The following RPL7 variants were observed in gnomAD, a reference collection of about 807,000 sequenced individuals.
The protein encoded by RPL7 is large ribosomal subunit protein uL30.
For missense variants in RPL7, 205 were observed against 301.9 expected (o/e 0.68, Z 2.38); for synonymous variants, 100 against 102.2 (o/e 0.98, Z 0.13).
At position 73,290,646 on chromosome 8, in the gene RPL7, A is replaced by G. The variant is rs935762089; in HGVS notation, c.*61T>C. On this transcript the variant is annotated 3_prime_UTR_variant, in exon 7 of 7. Transcript: ENST00000352983. ...ATCACAAATACAACAATATATTTCA[A>G]TTTGAGAGCAGGTACTGTTTATTAA... The G allele has an allele frequency of 6.0e-6, 1 of 165,982 alleles. No homozygotes were observed. The highest frequency in any genetic ancestry group is 1.3e-5 in the Non-Finnish European group (1 of 76,816). 10.3% of individuals were successfully genotyped at this position (165,982 alleles called of 1,614,324 possible). A position where few individuals can be genotyped will look rare whatever the true frequency, so the allele number is the denominator to read the frequency against.
chr8:73,291,598 C>T lies in RPL7; in HGVS notation c.492G>A (p.Lys164=). The T allele has an allele frequency of 6.3e-7, 1 of 1,599,642 alleles. No individual in the cohort carries two copies. Reference sequence around the variant, plus strand: ...CGTTATCTGTCAAAGCAATTCGCTTCTTATTGATTTTGCCATAACCACGCT... The same window carrying T: ...CGTTATCTGTCAAAGCAATTCGCTTTTTATTGATTTTGCCATAACCACGCT... ...IYKRGYGKIN[K]KRIALTDNAL... The change falls in exon 5 of 7, where the codon AAG becomes AAA. Residue 164 remains lysine, a synonymous_variant. Transcript: ENST00000352983.
At position 73,291,027 on chromosome 8, in the gene RPL7, G is replaced by A. The variant is rs369833443; in HGVS notation, c.*1+16C>T. 7.5e-5 allele frequency: 119 copies of A among 1,591,084 alleles called. No homozygotes were observed. In the African/African-American group the frequency reaches 1.5e-3, roughly 20 times the overall value. ...TCTAACATTAACTCAACCTTTCTCA[G>A]GATGAGGTCTCTCACCTTAGTTCAT... On this transcript the variant is annotated intron_variant, in intron 6 of 6. Transcript: ENST00000352983.
chr8:73,292,051 TAAGAG>T, intron 3 of RPL7, 141 bp from the exon 4 acceptor site: 1 of 1,264,082 alleles, frequency 7.9e-7, no homozygotes, highest in Admixed American at 2.1e-5. Context: ...TGTATTCTAT[TAAGAG>T]AAGGGATAGG....
At chr8:73,293,795 A>G (rs1223336991), upstream of RPL7, 16 of 661,494 alleles carry the variant, frequency 2.4e-5, no homozygotes, top group Non-Finnish European at 3.9e-5. Context: ...TTTCGGGTAA[A>G]ACTTGTTTGA....
At chr8:73,293,781 A>C (rs938505423), upstream of RPL7, 7 of 729,778 alleles carry the variant, frequency 9.6e-6, no homozygotes, top group Non-Finnish European at 1.6e-5. Context: ...CTCTTTCAAC[A>C]AACTTTCGGG....
intron 3 of RPL7, 31 bp from the exon 4 acceptor site, chr8:73,291,941 GC>G: frequency 6.2e-7 from 1 of 1,600,732 alleles, no homozygotes; most frequent in Non-Finnish European, 8.6e-7. Flanking sequence ...AAATGCATTT[GC>G]CTTTCATCGA....
chr8:73,292,599 A>C, intron 2 of RPL7, 90 bp downstream of exon 2: 1 of 1,109,692 alleles, frequency 9.0e-7, no homozygotes, highest in Non-Finnish European at 1.3e-6. Context: ...CAGTACAGTT[A>C]GGAAGTAAAT....
At chr8:73,291,700 T>C (rs187306390) in intron 4 of RPL7, 39 bp from the exon 5 acceptor site, 2 of 1,590,976 alleles carry the variant, frequency 1.3e-6, no homozygotes, top group Admixed American at 1.7e-5. Context: ...GTGACCACTG[T>C]TAAAACATCT....
At chr8:73,292,002 A>G (rs1471105614) in intron 3 of RPL7, 92 bp from the exon 4 acceptor site, 8 of 1,450,714 alleles carry the variant, frequency 5.5e-6, no homozygotes, top group Non-Finnish European at 6.7e-6. Flanking sequence ...AATCCTACCT[A>G]AACAGATAGG....
rs1814152424 is a variant in RPL7, at chr8:73,293,281, G to A, written c.14+318C>T. ...GCAGGGAGGCCTGTACCAAGCACCA[G>A]CCAAGGACGAACACAATTCAGAGGT... On this transcript the variant is annotated intron_variant, in intron 1 of 6. Transcript: ENST00000352983. 4.6e-5 allele frequency: 18 copies of A among 393,294 alleles called. 1 individual carries two copies. The South Asian group carries it at 4.8e-4, about 10-fold the overall frequency. 24.4% of individuals were successfully genotyped at this position (393,294 alleles called of 1,614,324 possible).
Position 73,292,812 on chromosome 8 carries a change from C to CA in RPL7, c.15-16dup. On this transcript the variant is annotated splice_polypyrimidine_tract_variant and intron_variant, in intron 1 of 6. Coordinates refer to ENST00000352983, the MANE Select transcript of RPL7 (RefSeq NM_000971.4). Reference sequence around the variant, plus strand: ...TCTTCTTCTCTCTAACGTTAATAAACAAAAATGTTATCAATAGCTCAAAAA... The same window carrying CA: ...TCTTCTTCTCTCTAACGTTAATAAACAAAAAATGTTATCAATAGCTCAAAAA... 3.8e-6 allele frequency: 6 copies of CA among 1,579,288 alleles called. No individual in the cohort carries two copies. The highest frequency in any genetic ancestry group is 4.3e-6 in the Non-Finnish European group (5 of 1,155,384).
chr8:73,292,865 T>C, intron 1 of RPL7, 68 bp from the exon 2 acceptor site: 1 of 1,131,270 alleles, frequency 8.8e-7, no homozygotes, highest in Non-Finnish European at 1.3e-6. Context: ...ACTCCCGTAC[T>C]GAGCAGTGTT....
chr8:73,292,299 T>C lies in RPL7; in HGVS notation c.230A>G (p.Lys77Arg). Reference protein sequence around the residue: ...TEIRMARMARKAGNFYVPAEP... With the variant: ...TEIRMARMARRAGNFYVPAEP... ...TGCAGGTACATAGAAGTTGCCAGCT[T>C]TTCTTGCCATCCTCGCCATTCGAAT... is the stretch of plus-strand genomic sequence containing the variant. Residue 77 changes from lysine to arginine, a missense_variant, in exon 3 of 7, where the codon AAA becomes AGA. Lys to Arg is a conservative substitution (Grantham distance 26). Transcript: ENST00000352983. 1 of 1,612,382 alleles carries C rather than the reference T, an allele frequency of 6.2e-7. No homozygotes were observed.
intron 5 of RPL7, 63 bp from the exon 6 acceptor site, chr8:73,291,315 A>C (rs1370947408): frequency 2.9e-5 from 39 of 1,360,902 alleles, no homozygotes; most frequent in Non-Finnish European, 3.8e-5. Context: ...TAATTATTCA[A>C]AATCTTTTTG....
Position 73,291,895 on chromosome 8 carries a change from G to T in RPL7, c.306C>A (p.Ser102Arg). The part of the protein sequence containing the change: ...VIRIRGINGV[S>R]PKVRKVLQLL... ...GCTGCAACACCTTTCGAACCTTTGGGCTCACTCCATTGATACTGTGGTGAA... is the reference window on the plus strand; with the variant it reads ...GCTGCAACACCTTTCGAACCTTTGGTCTCACTCCATTGATACTGTGGTGAA... Residue 102 changes from serine (S) to arginine (R), a missense_variant, in exon 4 of 7, where the codon AGC becomes AGA. Coordinates refer to ENST00000352983, the MANE Select transcript of RPL7 (RefSeq NM_000971.4). 1.2e-6 allele frequency: 2 copies of T among 1,612,164 alleles called. No individual in the cohort carries two copies. Among genetic ancestry groups the T allele is most frequent in the Non-Finnish European group, 8.5e-7 (1 of 1,178,310 alleles).
In RPL7 at chr8:73,292,377, T is replaced by C. The variant is rs1277708206; in HGVS notation, c.152A>G (p.Tyr51Cys). 2 of 1,597,560 alleles carry C rather than the reference T, an allele frequency of 1.3e-6. No homozygotes were observed. The highest frequency in any genetic ancestry group is 1.1e-5 in the South Asian group (1 of 89,530). ...CTTGTGATAGTGCTTTGCTTTTTCA[T>C]AGATAAGCTTCCTCCTTGCCTTTCG... ...MLRKARRKLI[Y>C]EKAKHYHKEY... Residue 51 changes from tyrosine to cysteine, a missense_variant, in exon 3 of 7, where the codon TAT (tyrosine) becomes TGT (cysteine). Tyr to Cys is a radical substitution (Grantham distance 194, BLOSUM62 -2). Coordinates refer to ENST00000352983, the MANE Select transcript of RPL7 (RefSeq NM_000971.4).
intron 3 of RPL7, 74 bp from the exon 4 acceptor site, chr8:73,291,984 G>T: frequency 1.3e-6 from 2 of 1,551,304 alleles, no homozygotes; most frequent in Admixed American, 1.7e-5. Flanking sequence ...TTATAGTTTT[G>T]AATATCGAAT....
At chr8:73,292,843 C>G in intron 1 of RPL7, 46 bp from the exon 2 acceptor site, 1 of 1,432,228 alleles carries the variant, frequency 7.0e-7, no homozygotes, top group Admixed American at 1.8e-5. Flanking sequence ...AAAAAGCTCA[C>G]AGCGCTGTAT....
chr8:73,293,552 G>A, intron 1 of RPL7, 47 bp downstream of exon 1: 1 of 1,609,804 alleles, frequency 6.2e-7, no homozygotes, highest in Non-Finnish European at 8.5e-7. Flanking sequence ...AAAGTATCTG[G>A]CTCTGGAGAT....
Sources: allele counts gnomAD v4.1 joint callset, GRCh38; gene constraint gnomAD v4.1.1; transcripts MANE v1.5; gene names NCBI Gene and HGNC (gene_info 2026-07-23, HGNC 2026-07-21).